Variants in FARP1 observed in about 807,000 individuals in gnomAD.
FARP1 encodes FERM, ARH/RhoGEF and pleckstrin domain protein 1.
Under a neutral mutation model 128.8 loss-of-function variants are expected in FARP1, and 52 were observed. The ratio of observed to expected loss-of-function variants is 0.40; its 90% CI spans 0.32 to 0.51. The LOEUF is 0.51. Among genes scored for constraint, FARP1 ranks in the 20% least tolerant of loss-of-function variants. The pLI is 0.45. For synonymous variants in FARP1, 580 were observed against 551.8 expected (o/e 1.05, Z -0.72); for missense variants, 1,333 against 1,367.9 (o/e 0.97, Z 0.40).
intron 1 of FARP1, among the ~76,000 whole-genome samples, chr13:98,200,041 A>G (rs1879830960): frequency 6.6e-6 from 1 of 152,208 alleles, no homozygotes; most frequent in Non-Finnish European, 1.5e-5. Context: ...AATGGAGGAT[A>G]TGTGCTCTAC....
intron 16 of FARP1, among the ~76,000 whole-genome samples, chr13:98,417,092 C>T (rs1891404385): frequency 6.6e-6 from 1 of 152,016 alleles, no homozygotes; most frequent in African/African-American, 2.4e-5. Context: ...TGAACACAGT[C>T]AGCTCAGAGG....
At chr13:98,302,008 A>T (rs1341576773) in intron 2 of FARP1, among the ~76,000 whole-genome samples, 2 of 152,114 alleles carry the variant, frequency 1.3e-5, no homozygotes, top group Non-Finnish European at 2.9e-5. Context: ...TTTAAGGAAT[A>T]CTTGGTGTAG....
Position 98,395,494 on chromosome 13 carries a change from G to A in FARP1, c.1414+18G>A. On this transcript the variant is annotated intron_variant, in intron 13 of 26. Coordinates refer to ENST00000319562, the MANE Select transcript of FARP1 (RefSeq NM_005766.4). ...AAGCACAGGTCCAGCATCCCGGGCT[G>A]CCAGAGGCAGCAGTACTTCCATTCC... The A allele has an allele frequency of 6.4e-7, 1 of 1,559,198 alleles. No individual in the cohort carries two copies. Among genetic ancestry groups the A allele is most frequent in the Non-Finnish European group, 8.7e-7 (1 of 1,147,752 alleles).
rs1051730071 is a variant in FARP1 at position 98,244,560 on chromosome 13, A to G, written c.171+31147A>G. 8 of 1,614,082 alleles carry G rather than the reference A, an allele frequency of 5.0e-6. No individual in the cohort carries two copies. The African/African-American group carries it at 8.0e-5, about 16-fold the overall frequency. ...GACGGGTTGGGTACTGAGATGCTCC[A>G]TGAAGCCCAAGCACCATTCACATCT... On this transcript the variant is annotated intron_variant, in intron 2 of 26. Transcript: ENST00000319562.
chr13:98,230,671 G>T (rs1355468197), intron 2 of FARP1, among the ~76,000 whole-genome samples: 1 of 152,016 alleles, frequency 6.6e-6, no homozygotes, highest in Non-Finnish European at 1.5e-5. Context: ...ATTATACATG[G>T]TGCGTGTTCC....
At chr13:98,416,645 T>C (rs1034914583) in intron 16 of FARP1, among the ~76,000 whole-genome samples, 1 of 152,218 alleles carries the variant, frequency 6.6e-6, no homozygotes, top group Non-Finnish European at 1.5e-5. Context: ...TACTCAGCTG[T>C]TCAAATGAGT....
At chr13:98,291,340 TGAGGAG>T (rs1222663567) in intron 2 of FARP1, among the ~76,000 whole-genome samples, 1 of 151,844 alleles carries the variant, frequency 6.6e-6, no homozygotes, top group Non-Finnish European at 1.5e-5. Flanking sequence ...TTGAGTGGGC[TGAGGAG>T]GAGGAGGAGG....
intron 1 of FARP1, among the ~76,000 whole-genome samples, chr13:98,171,210 C>T (rs535892454): frequency 6.6e-6 from 1 of 152,312 alleles, no homozygotes; most frequent in East Asian, 1.9e-4. Flanking sequence ...ACACCCTCTT[C>T]GTCATTGTGC....
chr13:98,417,455 GAAAAAAAAAA>G lies in FARP1; in HGVS notation c.1826+5441_1826+5450del, dbSNP rs869304302. Among the ~76,000 whole-genome samples, 112 of 58,480 alleles carry G rather than the reference GAAAAAAAAAA, an allele frequency of 1.9e-3. 3 individuals carry two copies. The highest frequency in any genetic ancestry group is 9.6e-3 in the Middle Eastern group (1 of 104). 38.4% of individuals were successfully genotyped at this position (58,480 alleles called of 152,430 possible). A position where few individuals can be genotyped will look rare whatever the true frequency, so the allele number is the denominator to read the frequency against. On this transcript the variant is annotated intron_variant, in intron 16 of 26. Coordinates refer to ENST00000319562, the MANE Select transcript of FARP1 (RefSeq NM_005766.4). ...AGGAAACAGAGGCCACCAGAGGTTTGAAAAAAAAAAAAAAAAAAAAAAAAAAAAAGAACAC... is the reference window on the plus strand; with the variant it reads ...AGGAAACAGAGGCCACCAGAGGTTTGAAAAAAAAAAAAAAAAAAAGAACAC...
At chr13:98,435,503 G>T (rs1445551225) in intron 18 of FARP1, 73 bp from the exon 19 acceptor site, 56 of 1,496,974 alleles carry the variant, frequency 3.7e-5, no homozygotes, top group Admixed American at 5.9e-5. Context: ...CTGCAGCGTT[G>T]AGCTGACAGC....
intron 13 of FARP1, among the ~76,000 whole-genome samples, chr13:98,407,773 G>A (rs763186917): frequency 6.6e-6 from 1 of 152,162 alleles, no homozygotes; most frequent in Non-Finnish European, 1.5e-5. Flanking sequence ...TGTGTTGGCG[G>A]TGCTGCTGAC....
At chr13:98,312,943 T>G (rs1178611056) in intron 2 of FARP1, among the ~76,000 whole-genome samples, 1 of 152,180 alleles carries the variant, frequency 6.6e-6, no homozygotes, top group Non-Finnish European at 1.5e-5. Flanking sequence ...TTTTCTTTCA[T>G]GGGCTACTCC....
intron 2 of FARP1, among the ~76,000 whole-genome samples, chr13:98,272,500 C>T (rs1884438955): frequency 6.6e-6 from 1 of 152,094 alleles, no homozygotes; most frequent in Admixed American, 6.6e-5. Flanking sequence ...CTTCCTTGTC[C>T]TTTGTGTTTA....
Position 98,453,052 on chromosome 13 carries a change from G to T in FARP1, c.*4735G>T. 2 of 1,140,566 alleles carry T rather than the reference G, an allele frequency of 1.8e-6. No individual in the cohort carries two copies. Among genetic ancestry groups the T allele is most frequent in the Non-Finnish European group, 2.5e-6 (2 of 785,074 alleles). The allele number at this position is 1,140,566 out of a possible 1,614,324, so 70.7% of individuals were successfully genotyped here. On this transcript the variant is annotated 3_prime_UTR_variant, in exon 27 of 27. Transcript: ENST00000319562. ...GTCCCTGGACGGGCGCCTGGCGCTG[G>T]GGTGGCTCCCAGTGGCGCACCTCTT... is the stretch of plus-strand genomic sequence containing the variant.
At chr13:98,155,902 G>A (rs978112863) in intron 1 of FARP1, among the ~76,000 whole-genome samples, 7 of 152,148 alleles carry the variant, frequency 4.6e-5, no homozygotes, top group African/African-American at 1.7e-4. Flanking sequence ...TATGACTTAA[G>A]GGGAGGCAGT....
intron 2 of FARP1, among the ~76,000 whole-genome samples, chr13:98,325,120 C>A (rs531459437): frequency 6.6e-6 from 1 of 152,052 alleles, no homozygotes; most frequent in Admixed American, 6.6e-5. Flanking sequence ...GTAAGTAGTC[C>A]GTAAGGAAGA....
chr13:98,247,458 C>T (rs1186820944), intron 2 of FARP1, among the ~76,000 whole-genome samples: 3 of 152,130 alleles, frequency 2.0e-5, no homozygotes, highest in African/African-American at 7.2e-5. Flanking sequence ...AGACAGACAC[C>T]CCAGTATGAC....
At chr13:98,423,600 C>T (rs988893249) in intron 16 of FARP1, among the ~76,000 whole-genome samples, 3 of 152,164 alleles carry the variant, frequency 2.0e-5, no homozygotes, top group Non-Finnish European at 4.4e-5. Context: ...AACGGTTAGG[C>T]GTGTGGCCTG....
intron 2 of FARP1, among the ~76,000 whole-genome samples, chr13:98,296,234 G>A (rs1408820939): frequency 3.3e-5 from 5 of 152,212 alleles, no homozygotes; most frequent in African/African-American, 7.2e-5. Flanking sequence ...GAAGACCTTC[G>A]TGGATTAGGC....
Sources: gnomAD v4.1 joint callset for allele counts (sites outside exome capture counted in the v4.1 genomes callset) on GRCh38, gnomAD v4.1.1 for gene constraint, MANE v1.5 for transcripts, NCBI Gene and HGNC (gene_info 2026-07-23, HGNC 2026-07-21) for gene names.